Variants in DCDC1 observed in about 807,000 individuals in gnomAD.
DCDC1 encodes doublecortin domain-containing protein 1.
A neutral mutation model predicts 178.3 loss-of-function variants in DCDC1; 200 were observed. That is an observed-to-expected ratio of 1.12 (90% CI 1.00 to 1.26). The LOEUF (loss-of-function observed/expected upper bound fraction) is 1.26. Among genes scored for constraint, DCDC1 ranks in the 50% most tolerant of loss-of-function variants. The pLI is 0.00. For synonymous variants in DCDC1, 690 were observed against 604.8 expected, an observed-to-expected ratio of 1.14 and a Z score of -2.07; for missense variants, 1,983 against 1,749.2, an observed-to-expected ratio of 1.13 and a Z score of -2.38.
At chr11:31,107,979 C>T (rs772734424) in intron 12 of DCDC1, among the ~76,000 whole-genome samples, 3 of 152,144 alleles carry the variant, frequency 2.0e-5, no homozygotes, top group Non-Finnish European at 4.4e-5. Context: ...TTTTGCTCCT[C>T]TATTAATCCC....
chr11:31,296,523 C>T (rs182406161), intron 6 of DCDC1, among the ~76,000 whole-genome samples: 3 of 152,262 alleles, frequency 2.0e-5, no homozygotes, highest in Admixed American at 6.5e-5. Flanking sequence ...CAATCTCTGC[C>T]CATTACCTAG....
intron 2 of DCDC1, 64 bp from the exon 3 acceptor site, chr11:31,328,350 G>T: frequency 6.9e-7 from 1 of 1,452,218 alleles, no homozygotes. Context: ...ACAAATAGAG[G>T]CTGGGCATTA....
chr11:30,969,013 A>G (rs1456725679), intron 20 of DCDC1, among the ~76,000 whole-genome samples: 1 of 152,014 alleles, frequency 6.6e-6, no homozygotes, highest in Non-Finnish European at 1.5e-5. Context: ...AAGTACTGAA[A>G]TTCCATCATT....
intron 20 of DCDC1, among the ~76,000 whole-genome samples, chr11:31,053,187 A>T (rs1374790498): frequency 6.6e-6 from 1 of 152,150 alleles, no homozygotes; most frequent in Non-Finnish European, 1.5e-5. Context: ...AGATTGTCCA[A>T]GGCTACTATG....
chr11:31,080,285 G>A (rs1368136516), intron 17 of DCDC1, among the ~76,000 whole-genome samples: 1 of 152,146 alleles, frequency 6.6e-6, no homozygotes. Flanking sequence ...TGAATAAAAT[G>A]AGATGCAGAG....
At chr11:31,127,378 A>G (rs1961788257) in intron 11 of DCDC1, 91 bp downstream of exon 11, 1 of 543,082 alleles carries the variant, frequency 1.8e-6, no homozygotes, top group Admixed American at 3.3e-5. Flanking sequence ...AAAGAAATTC[A>G]AGCTAAGTGG....
chr11:30,897,454 G>T (rs1407091166), intron 34 of DCDC1, among the ~76,000 whole-genome samples: 1 of 151,790 alleles, frequency 6.6e-6, no homozygotes, highest in Non-Finnish European at 1.5e-5. Context: ...CCGGGCTTGG[G>T]TGCCTGTAGT....
intron 3 of DCDC1, among the ~76,000 whole-genome samples, chr11:31,311,643 C>A (rs1302659224): frequency 2.6e-5 from 4 of 152,028 alleles, no homozygotes. Context: ...AATGTTGGCC[C>A]AAAGAGATGT....
At chr11:31,044,477 CA>C (rs34317259) in intron 20 of DCDC1, among the ~76,000 whole-genome samples, 52,054 of 96,368 alleles carry the variant, frequency 0.54, 10,297 homozygotes, top group African/African-American at 0.59. Context: ...TACTCCATCT[CA>C]AAAAAAAAAA....
chr11:30,897,582 CAAAAAAAA>C (rs35815662), intron 34 of DCDC1, among the ~76,000 whole-genome samples: 2 of 72,958 alleles, frequency 2.7e-5, no homozygotes, highest in Non-Finnish European at 5.1e-5. Flanking sequence ...GACTCCGTCT[CAAAAAAAA>C]AAAAAAAAAA....
intron 9 of DCDC1, among the ~76,000 whole-genome samples, chr11:31,181,681 A>T (rs957528732): frequency 1.3e-5 from 2 of 152,200 alleles, no homozygotes; most frequent in African/African-American, 4.8e-5. Flanking sequence ...ACATCAACAA[A>T]AAGGATGTCC....
In DCDC1 at chr11:31,180,331, T is replaced by C. The variant is rs181430901; in HGVS notation, c.1222-42547A>G. On this transcript the variant is annotated intron_variant, in intron 9 of 38. Transcript: ENST00000684477. Reference sequence around the variant, plus strand: ...AAGAAATAATTAATGTATGACATGATGGATTTATTATCAAACTACCCTGAT... The same window carrying C: ...AAGAAATAATTAATGTATGACATGACGGATTTATTATCAAACTACCCTGAT... 5.9e-5 allele frequency among the ~76,000 whole-genome samples: 9 copies of C among 152,316 alleles called. No individual in the cohort carries two copies. In the East Asian group the frequency reaches 1.7e-3, roughly 29 times the overall value.
intron 20 of DCDC1, among the ~76,000 whole-genome samples, chr11:30,954,005 CTTTTTTTT>C (rs5790847): frequency 0.011 from 821 of 76,596 alleles, 13 homozygotes; most frequent in African/African-American, 0.039. Context: ...TACAACAATT[CTTTTTTTT>C]TTTTTTTTTT....
chr11:30,895,392 C>T (rs1294669156), intron 34 of DCDC1, among the ~76,000 whole-genome samples: 1 of 152,138 alleles, frequency 6.6e-6, no homozygotes, highest in African/African-American at 2.4e-5. Flanking sequence ...GTCTGAGGCA[C>T]AACAGAAGGC....
intron 17 of DCDC1, among the ~76,000 whole-genome samples, chr11:31,081,960 T>C (rs1251081903): frequency 6.6e-6 from 1 of 152,222 alleles, no homozygotes. Flanking sequence ...ATCTGCCTAT[T>C]TTTCAAGACA....
chr11:31,213,871 AAAAG>A (rs916693048), intron 9 of DCDC1, among the ~76,000 whole-genome samples: 1 of 134,092 alleles, frequency 7.5e-6, no homozygotes, highest in African/African-American at 2.5e-5. Flanking sequence ...ATATTAGAGA[AAAAG>A]AAGTATTTAT....
In DCDC1 at chr11:31,290,794, A is replaced by T; in HGVS notation, c.813T>A (p.Thr271=). 6.2e-7 allele frequency: 1 copy of T among 1,613,500 alleles called. No homozygotes were observed. The highest frequency in any genetic ancestry group is 8.5e-7 in the Non-Finnish European group (1 of 1,179,584). Residue 271 remains threonine, a synonymous_variant, in exon 7 of 39, where the codon ACT becomes ACA. Transcript: ENST00000684477. Reference sequence around the variant, plus strand: ...GCTTGGTTTTCCGTCTTTTGATATCAGTAGGAAGCATCAACCCATTCATTG... The same window carrying T: ...GCTTGGTTTTCCGTCTTTTGATATCTGTAGGAAGCATCAACCCATTCATTG... The part of the protein sequence containing the change: ...TWTMNGLMLP[T]DIKRRKTKPV...
chr11:30,916,740 G>A, intron 26 of DCDC1, 130 bp downstream of exon 26: 1 of 1,101,976 alleles, frequency 9.1e-7, no homozygotes, highest in Non-Finnish European at 1.2e-6. Flanking sequence ...AAAAACATAA[G>A]ACAAAAATGT....
intron 17 of DCDC1, among the ~76,000 whole-genome samples, chr11:31,089,988 C>T (rs1258883036): frequency 6.6e-6 from 1 of 152,100 alleles, no homozygotes; most frequent in Non-Finnish European, 1.5e-5. Context: ...GCTCCCTGTT[C>T]CATAGTTTCG....
Sources: allele counts gnomAD v4.1 joint callset (sites outside exome capture counted in the v4.1 genomes callset), GRCh38; gene constraint gnomAD v4.1.1; transcripts MANE v1.5; gene names NCBI Gene and HGNC (gene_info 2026-07-23, HGNC 2026-07-21).